The following TSC22D3 variants were observed in gnomAD, a reference collection of about 807,000 sequenced individuals.
TSC22D3 encodes TSC22 domain family protein 3.
Under a neutral mutation model 11.1 loss-of-function variants are expected in TSC22D3, and 4 were observed. That is an observed-to-expected ratio of 0.36 (90% CI 0.18 to 0.83). The LOEUF is 0.83. TSC22D3 is among the 40% of genes least tolerant of loss of function. TSC22D3 has a pLI of 0.48. For missense variants in TSC22D3, 118 were observed against 159.4 expected (o/e 0.74, Z 1.40); for synonymous variants, 77 against 70.3 (o/e 1.10, Z -0.48).
At chrX:107,715,052 G>C (rs1926937809) in intron 2 of TSC22D3, among the ~76,000 whole-genome samples, 1 of 111,882 alleles carries the variant, frequency 8.9e-6, no homozygotes, top group Non-Finnish European at 1.9e-5. Flanking sequence ...GGGCCTTTGG[G>C]GTGACACTTC....
intron 1 of TSC22D3, among the ~76,000 whole-genome samples, chrX:107,742,641 C>T (rs771071336): frequency 9.0e-6 from 1 of 111,491 alleles, no homozygotes; most frequent in East Asian, 2.8e-4. Flanking sequence ...CTTCACCCTC[C>T]TTCATAAAAG....
chrX:107,768,317 GACT>G (rs1165836509), intron 1 of TSC22D3, among the ~76,000 whole-genome samples: 1 of 111,996 alleles, frequency 8.9e-6, no homozygotes, highest in African/African-American at 3.2e-5. Flanking sequence ...ATTTTACCCA[GACT>G]CCCTGGCCTT....
intron 1 of TSC22D3, among the ~76,000 whole-genome samples, chrX:107,771,082 G>T (rs1443843799): frequency 8.9e-6 from 1 of 112,069 alleles, no homozygotes; most frequent in African/African-American, 3.2e-5. Flanking sequence ...CATTTGGAAA[G>T]GTTCTGAGCT....
chrX:107,733,456 C>T (rs1040079899), intron 1 of TSC22D3, among the ~76,000 whole-genome samples: 2 of 111,603 alleles, frequency 1.8e-5, no homozygotes, highest in African/African-American at 6.5e-5. Flanking sequence ...TCCCTTTCTT[C>T]TCTCCCAATT....
At chrX:107,760,884 A>G (rs1003956679) in intron 1 of TSC22D3, among the ~76,000 whole-genome samples, 1 of 112,195 alleles carries the variant, frequency 8.9e-6, no homozygotes, top group Non-Finnish European at 1.9e-5. Context: ...GACAGGGAGA[A>G]AGCTTGCCAG....
chrX:107,751,559 C>T (rs1265698235), intron 1 of TSC22D3, among the ~76,000 whole-genome samples: 3 of 112,130 alleles, frequency 2.7e-5, no homozygotes, highest in Non-Finnish European at 5.6e-5. Flanking sequence ...CTTGTGTTCT[C>T]AAATATTTAA....
intron 1 of TSC22D3, among the ~76,000 whole-genome samples, chrX:107,741,969 T>C (rs1469255228): frequency 1.8e-5 from 2 of 111,655 alleles, no homozygotes; most frequent in Non-Finnish European, 3.8e-5. Context: ...CTCCCAGTTC[T>C]GTAGTTTCTG....
intron 1 of TSC22D3, among the ~76,000 whole-genome samples, chrX:107,767,272 G>C (rs1319130475): frequency 1.8e-5 from 2 of 111,760 alleles, no homozygotes; most frequent in Non-Finnish European, 3.8e-5. Context: ...TCCATAGGCA[G>C]GGGCCCGATT....
At chrX:107,756,748 G>A (rs188665683) in intron 1 of TSC22D3, among the ~76,000 whole-genome samples, 20 of 112,572 alleles carry the variant, frequency 1.8e-4, no homozygotes, top group African/African-American at 4.8e-4. Flanking sequence ...TCCTTCCCTC[G>A]AGCTATTTCC....
At chrX:107,726,071 C>T (rs918749490) in intron 1 of TSC22D3, among the ~76,000 whole-genome samples, 1 of 110,590 alleles carries the variant, frequency 9.0e-6, no homozygotes, top group Admixed American at 9.6e-5. Context: ...TCTCTGCAAA[C>T]ATGCCTGTCC....
chrX:107,750,593 C>A (rs1425205538), intron 1 of TSC22D3, among the ~76,000 whole-genome samples: 2 of 111,420 alleles, frequency 1.8e-5, no homozygotes, highest in Admixed American at 9.5e-5. Flanking sequence ...GGAGAGAGAG[C>A]TGGGGAGTTG....
chrX:107,741,247 T>A (rs970226164), intron 1 of TSC22D3, among the ~76,000 whole-genome samples: 1 of 112,395 alleles, frequency 8.9e-6, no homozygotes, highest in Non-Finnish European at 1.9e-5. Context: ...GCTGGCCACT[T>A]TAGCTGGCAA....
intron 1 of TSC22D3, among the ~76,000 whole-genome samples, chrX:107,725,355 G>A (rs1172258418): frequency 8.9e-6 from 1 of 112,213 alleles, no homozygotes; most frequent in African/African-American, 3.2e-5. Flanking sequence ...GAAAATGCAG[G>A]CGTCCTGGGC....
chrX:107,716,185 C>A (rs1014363680), intron 1 of TSC22D3: 44 of 713,633 alleles, frequency 6.2e-5, no homozygotes, highest in Non-Finnish European at 8.3e-5. Context: ...GAGTTCCAAC[C>A]GATCGGAGCT....
intron 1 of TSC22D3, among the ~76,000 whole-genome samples, chrX:107,730,300 T>C: frequency 9.0e-6 from 1 of 111,032 alleles, no homozygotes; most frequent in East Asian, 2.8e-4. Context: ...CTAGCTGGAG[T>C]TGTGCTTTGT....
intron 1 of TSC22D3, among the ~76,000 whole-genome samples, chrX:107,740,717 G>A (rs1439022253): frequency 9.0e-6 from 1 of 111,133 alleles, no homozygotes; most frequent in Admixed American, 9.6e-5. Flanking sequence ...GATTATCTAA[G>A]TTTGTGGCCT....
intron 1 of TSC22D3, among the ~76,000 whole-genome samples, chrX:107,718,687 T>C (rs1049591191): frequency 1.1e-4 from 12 of 112,494 alleles, no homozygotes; most frequent in African/African-American, 3.9e-4. Context: ...GGTGATAATA[T>C]GTGTACAAGA....
intron 1 of TSC22D3, among the ~76,000 whole-genome samples, chrX:107,729,358 G>T (rs1447427291): frequency 9.0e-6 from 1 of 111,588 alleles, no homozygotes; most frequent in African/African-American, 3.3e-5. Flanking sequence ...AGAGCCTGCT[G>T]CGAACCCAAA....
chrX:107,772,702 T>G (rs1929957319), intron 1 of TSC22D3, among the ~76,000 whole-genome samples: 2 of 108,818 alleles, frequency 1.8e-5, no homozygotes, highest in South Asian at 4.1e-4. Context: ...AATACAAAAA[T>G]TAGCTGGGCA....
Sources: gnomAD v4.1 joint callset for allele counts (sites outside exome capture counted in the v4.1 genomes callset) on GRCh38, gnomAD v4.1.1 for gene constraint, MANE v1.5 for transcripts, NCBI Gene and HGNC (gene_info 2026-07-23, HGNC 2026-07-21) for gene names.